MARCHF11: variants seen among roughly 807,000 people sequenced by gnomAD.
MARCHF11 encodes the protein membrane associated ring-CH-type finger 11.
MARCHF11 carries 29 observed loss-of-function variants against 37.3 expected under a neutral mutation model. The ratio of observed to expected loss-of-function variants is 0.78; its 90% CI spans 0.58 to 1.06. MARCHF11 has a LOEUF of 1.06. MARCHF11 is among the 50% of genes least tolerant of loss of function. The pLI is 0.00. For synonymous variants in MARCHF11, 233 were observed against 228.0 expected (o/e 1.02, Z -0.20); for missense variants, 482 against 533.4 (o/e 0.90, Z 0.95).
chr5:16,101,016 C>T (rs542522233), intron 2 of MARCHF11, among the ~76,000 whole-genome samples: 27 of 152,120 alleles, frequency 1.8e-4, no homozygotes, highest in Admixed American at 5.2e-4. Context: ...TATTAATTTG[C>T]CGACTACAGG....
Position 16,116,785 on chromosome 5 carries a change from T to C in MARCHF11, c.694-25704A>G, listed in dbSNP as rs533600319. Among the ~76,000 whole-genome samples the C allele has an allele frequency of 7.2e-5, 11 of 152,206 alleles. No individual in the cohort carries two copies. In the East Asian group the frequency reaches 7.7e-4, roughly 11 times the overall value. On this transcript the variant is annotated intron_variant, in intron 2 of 3. Transcript: ENST00000332432. ...AACCTACAAATGAACGTTTAAGAAATGGGATTTGGGGAAAATGCATGAACA... is the reference window on the plus strand; with the variant it reads ...AACCTACAAATGAACGTTTAAGAAACGGGATTTGGGGAAAATGCATGAACA...
rs1483681864 is a variant in MARCHF11 at position 16,179,378 on chromosome 5, G to T, written c.198C>A (p.Ser66Arg). Residue 66 changes from serine (S) to arginine (R), a missense_variant, in exon 1 of 4, where the codon AGC becomes AGA. Ser to Arg is a moderately radical substitution (Grantham distance 110, BLOSUM62 -1). Transcript: ENST00000332432. ...PETPERAAGP[S>R]EPLGEVAPRC... ...GCGGGGCCACCTCCCCTAGCGGCTC[G>T]CTTGGCCCCGCGGCGCGCTCGGGGG... is the stretch of plus-strand genomic sequence containing the variant. 2.1e-5 allele frequency: 24 copies of T among 1,159,842 alleles called. No homozygotes were observed. The East Asian group carries it at 8.5e-4, about 41-fold the overall frequency. The allele number at this position is 1,159,842 out of a possible 1,614,324, so 71.8% of individuals were successfully genotyped here. A position where few individuals can be genotyped will look rare whatever the true frequency, so the allele number is the denominator to read the frequency against.
At position 16,091,094 on chromosome 5, in the gene MARCHF11, C is replaced by T; in HGVS notation, c.694-13G>A. The T allele has an allele frequency of 6.4e-7, 1 of 1,553,318 alleles. No individual in the cohort carries two copies. ...AAATGCTCTGCCACTAAAAGAAAAA[C>T]AGAGGCATGTAAGAAAGGAGCTGTG... is the stretch of plus-strand genomic sequence containing the variant. On this transcript the variant is annotated splice_polypyrimidine_tract_variant and intron_variant, in intron 2 of 3. Transcript: ENST00000332432.
At chr5:16,144,994 A>C (rs1373782997) in intron 2 of MARCHF11, among the ~76,000 whole-genome samples, 1 of 152,208 alleles carries the variant, frequency 6.6e-6, no homozygotes, top group Non-Finnish European at 1.5e-5. Flanking sequence ...TCTTCTCATT[A>C]GGATTAGGAT....
chr5:16,179,118 C>A lies in MARCHF11; in HGVS notation c.458G>T (p.Gly153Val). Residue 153 changes from glycine (G) to valine (V), a missense_variant, in exon 1 of 4, where the codon GGC becomes GTC. Transcript: ENST00000332432. ...GTGCCCAGCGCGCTGGTCGCCGCCG[C>A]CACTGCTGCTGCTGCGGCTGCTGCA... is the stretch of plus-strand genomic sequence containing the variant. ...SVCSSRSSSSGGGDQRAGHQH... is the reference protein window; with the variant it reads ...SVCSSRSSSSVGGDQRAGHQH... 3.3e-6 allele frequency: 5 copies of A among 1,492,682 alleles called. No individual in the cohort carries two copies. The highest frequency in any genetic ancestry group is 4.4e-6 in the Non-Finnish European group (5 of 1,128,022). 92.5% of individuals were successfully genotyped at this position (1,492,682 alleles called of 1,614,324 possible).
At chr5:16,123,017 G>A (rs1307106795) in intron 2 of MARCHF11, among the ~76,000 whole-genome samples, 2 of 152,140 alleles carry the variant, frequency 1.3e-5, no homozygotes, top group African/African-American at 2.4e-5. Flanking sequence ...TCATGAGCTG[G>A]CCCTTGTCCC....
intron 2 of MARCHF11, among the ~76,000 whole-genome samples, chr5:16,145,783 C>T (rs543895715): frequency 3.3e-5 from 5 of 152,150 alleles, no homozygotes; most frequent in South Asian, 4.2e-4. Flanking sequence ...CACAGAATCA[C>T]CATCTCCATA....
intron 2 of MARCHF11, among the ~76,000 whole-genome samples, chr5:16,164,170 A>G (rs1198351189): frequency 1.3e-5 from 2 of 152,102 alleles, no homozygotes; most frequent in East Asian, 3.9e-4. Flanking sequence ...GAGACAAAGG[A>G]CATTCTGCAA....
chr5:16,158,422 G>A (rs892960472), intron 2 of MARCHF11, among the ~76,000 whole-genome samples: 6 of 151,830 alleles, frequency 4.0e-5, no homozygotes, highest in African/African-American at 1.5e-4. Context: ...TATGCATAAT[G>A]GAATACTATT....
chr5:16,174,103 C>T (rs535753237), intron 2 of MARCHF11, among the ~76,000 whole-genome samples: 7 of 152,356 alleles, frequency 4.6e-5, no homozygotes, highest in African/African-American at 1.7e-4. Flanking sequence ...TGAAGCCATT[C>T]ATAAACTGGA....
chr5:16,081,526 T>A (rs1736607704), intron 3 of MARCHF11, among the ~76,000 whole-genome samples: 1 of 152,244 alleles, frequency 6.6e-6, no homozygotes, highest in South Asian at 2.1e-4. Context: ...GGCGGTGGAC[T>A]GGATTTGGCC....
intron 2 of MARCHF11, among the ~76,000 whole-genome samples, chr5:16,105,613 G>C (rs142721541): frequency 9.3e-4 from 141 of 152,254 alleles, no homozygotes; most frequent in African/African-American, 3.3e-3. Context: ...GAAGAGAGGA[G>C]ACACTTGGCC....
intron 3 of MARCHF11, among the ~76,000 whole-genome samples, chr5:16,081,164 T>C (rs1736601685): frequency 6.6e-6 from 1 of 152,196 alleles, no homozygotes; most frequent in Non-Finnish European, 1.5e-5. Context: ...AGCTCTCACA[T>C]ACATTTCTCT....
At position 16,156,444 on chromosome 5, in the gene MARCHF11, C is replaced by T. The variant is rs118151842; in HGVS notation, c.693+21282G>A. On this transcript the variant is annotated intron_variant, in intron 2 of 3. Coordinates refer to ENST00000332432, the MANE Select transcript of MARCHF11 (RefSeq NM_001102562.3). ...AACTGCCTTTAATAGTGCCAATATT[C>T]ATGTAGTTCTTTATAACTATCCTAA... is the stretch of plus-strand genomic sequence containing the variant. Among the ~76,000 whole-genome samples, 100 of 151,974 alleles carry T rather than the reference C, an allele frequency of 6.6e-4. 3 individuals carry two copies. In the East Asian group the frequency reaches 0.018, roughly 28 times the overall value.
At chr5:16,137,041 A>G in intron 2 of MARCHF11, among the ~76,000 whole-genome samples, 1 of 152,340 alleles carries the variant, frequency 6.6e-6, no homozygotes, top group Middle Eastern at 3.4e-3. Flanking sequence ...ATTAAATAAT[A>G]AAACAAATAA....
chr5:16,080,946 C>T (rs936784601), intron 3 of MARCHF11, among the ~76,000 whole-genome samples: 11 of 152,172 alleles, frequency 7.2e-5, no homozygotes, highest in Non-Finnish European at 4.4e-5. Flanking sequence ...CACCCACAGG[C>T]TCCTTTTCCT....
chr5:16,081,614 G>A (rs769750892), intron 3 of MARCHF11, among the ~76,000 whole-genome samples: 3 of 152,110 alleles, frequency 2.0e-5, no homozygotes, highest in Non-Finnish European at 4.4e-5. Flanking sequence ...CGGTAAATAC[G>A]CAATGAATAT....
chr5:16,070,389 T>C (rs2126542443), intron 3 of MARCHF11, among the ~76,000 whole-genome samples: 1 of 152,302 alleles, frequency 6.6e-6, no homozygotes, highest in East Asian at 1.9e-4. Context: ...ATACAAGACA[T>C]TATTATTAAT....
At position 16,086,196 on chromosome 5, in the gene MARCHF11, C is replaced by A. The variant is rs184399785; in HGVS notation, c.886+4693G>T. 1.9e-3 allele frequency among the ~76,000 whole-genome samples: 285 copies of A among 152,154 alleles called. 3 individuals are homozygous for A. Among genetic ancestry groups the A allele is most frequent in the Middle Eastern group, 6.8e-3 (2 of 294 alleles). On this transcript the variant is annotated intron_variant, in intron 3 of 3. Coordinates refer to ENST00000332432, the MANE Select transcript of MARCHF11 (RefSeq NM_001102562.3). ...TGAGTGAAAAAGACTATTTTCTCAA[C>A]ACCATGTACAGTATGATCTCACTTA... is the stretch of plus-strand genomic sequence containing the variant.
Sources: gnomAD v4.1 joint callset for allele counts (sites outside exome capture counted in the v4.1 genomes callset) on GRCh38, gnomAD v4.1.1 for gene constraint, MANE v1.5 for transcripts, NCBI Gene and HGNC (gene_info 2026-07-23, HGNC 2026-07-21) for gene names.